Variants in DLG2 observed in about 807,000 individuals in gnomAD.
DLG2 encodes discs large MAGUK scaffold protein 2, also known as disks large homolog 2.
Under a neutral mutation model 132.5 loss-of-function variants are expected in DLG2, and 45 were observed. The observed-to-expected ratio is 0.34, with a 90% CI of 0.27 to 0.44. DLG2 has a LOEUF of 0.44. DLG2 is among the 20% of genes least tolerant of loss of function. DLG2 has a pLI of 1.00. For missense variants in DLG2, 1,045 were observed against 1,196.9 expected (o/e 0.87, Z 1.87); for synonymous variants, 424 against 419.6 (o/e 1.01, Z -0.13).
At chr11:84,892,791 A>G (rs574926247) in intron 6 of DLG2, among the ~76,000 whole-genome samples, 1 of 152,058 alleles carries the variant, frequency 6.6e-6, no homozygotes, top group Non-Finnish European at 1.5e-5. Context: ...TCACTTTTCA[A>G]AATTCCCACA....
intron 6 of DLG2, among the ~76,000 whole-genome samples, chr11:85,078,299 T>C (rs1207114674): frequency 6.6e-6 from 1 of 151,078 alleles, no homozygotes; most frequent in Non-Finnish European, 1.5e-5. Flanking sequence ...TATAAGGTTA[T>C]TGAGGAAGGC....
intron 4 of DLG2, among the ~76,000 whole-genome samples, chr11:85,225,410 G>C (rs1344903297): frequency 6.6e-6 from 1 of 151,940 alleles, no homozygotes; most frequent in Non-Finnish European, 1.5e-5. Context: ...CAAACTTCCC[G>C]ATCTTTCCTT....
chr11:84,416,025 T>C (rs1395524848), intron 7 of DLG2, among the ~76,000 whole-genome samples: 1 of 152,156 alleles, frequency 6.6e-6, no homozygotes, highest in African/African-American at 2.4e-5. Context: ...TTGGCTTCTT[T>C]CCAGTTCTTT....
chr11:84,588,359 T>C (rs1199384427), intron 6 of DLG2, among the ~76,000 whole-genome samples: 1 of 152,200 alleles, frequency 6.6e-6, no homozygotes, highest in Non-Finnish European at 1.5e-5. Context: ...ATTTGCACAA[T>C]GAATCATCAT....
At chr11:85,022,844 A>G (rs535380925) in intron 6 of DLG2, among the ~76,000 whole-genome samples, 20 of 152,230 alleles carry the variant, frequency 1.3e-4, no homozygotes, top group Admixed American at 7.8e-4. Flanking sequence ...TTACCTTATT[A>G]CTTATTTTTT....
At chr11:84,849,956 A>G (rs915354973) in intron 6 of DLG2, among the ~76,000 whole-genome samples, 1 of 152,174 alleles carries the variant, frequency 6.6e-6, no homozygotes, top group African/African-American at 2.4e-5. Context: ...TAAAATATTT[A>G]TTATGATATC....
chr11:83,671,745 A>C (rs541805720), intron 18 of DLG2, among the ~76,000 whole-genome samples: 1 of 152,162 alleles, frequency 6.6e-6, no homozygotes, highest in Admixed American at 6.5e-5. Context: ...TGCCTATGTC[A>C]GCGTGTAGCT....
intron 3 of DLG2, among the ~76,000 whole-genome samples, chr11:85,344,327 T>C (rs1170010719): frequency 6.6e-6 from 1 of 152,122 alleles, no homozygotes; most frequent in African/African-American, 2.4e-5. Context: ...AGGTGACTCA[T>C]AGAGATTGTC....
At chr11:84,433,070 G>T (rs2098989609) in intron 7 of DLG2, among the ~76,000 whole-genome samples, 1 of 152,094 alleles carries the variant, frequency 6.6e-6, no homozygotes, top group African/African-American at 2.4e-5. Context: ...CTAATGTCAG[G>T]ATATGTGGGG....
At chr11:83,483,978 C>CA in intron 22 of DLG2, 151 bp downstream of exon 22, 1 of 637,806 alleles carries the variant, frequency 1.6e-6, no homozygotes, top group East Asian at 2.9e-5. Flanking sequence ...AGACTGTAGT[C>CA]AGACGCTGGT....
At chr11:83,767,068 A>C (rs1032436747) in intron 18 of DLG2, among the ~76,000 whole-genome samples, 1 of 152,170 alleles carries the variant, frequency 6.6e-6, no homozygotes, top group African/African-American at 2.4e-5. Flanking sequence ...AGGCACATCC[A>C]GATAATCTAG....
At chr11:84,527,161 T>C (rs1177489604) in intron 7 of DLG2, among the ~76,000 whole-genome samples, 1 of 152,162 alleles carries the variant, frequency 6.6e-6, no homozygotes, top group Non-Finnish European at 1.5e-5. Flanking sequence ...AACAATAGAA[T>C]AAGGCATATT....
intron 8 of DLG2, among the ~76,000 whole-genome samples, chr11:84,248,034 A>G (rs1263127547): frequency 1.3e-5 from 2 of 152,210 alleles, no homozygotes; most frequent in Admixed American, 1.3e-4. Flanking sequence ...AATTATGTGA[A>G]CAACTAGAAC....
At chr11:83,977,976 C>G (rs1426807664) in intron 12 of DLG2, among the ~76,000 whole-genome samples, 1 of 151,940 alleles carries the variant, frequency 6.6e-6, no homozygotes, top group African/African-American at 2.4e-5. Context: ...TTCTATTTAC[C>G]AGTGCTAAGG....
At chr11:84,767,974 T>C (rs1054414077) in intron 6 of DLG2, among the ~76,000 whole-genome samples, 2 of 152,032 alleles carry the variant, frequency 1.3e-5, no homozygotes, top group African/African-American at 4.8e-5. Flanking sequence ...ATTAAGAAAA[T>C]GATACTGAAG....
intron 4 of DLG2, among the ~76,000 whole-genome samples, chr11:85,215,855 G>T (rs924435154): frequency 6.6e-6 from 1 of 151,940 alleles, no homozygotes; most frequent in Non-Finnish European, 1.5e-5. Flanking sequence ...TAATTTACAG[G>T]GAATGAACCT....
chr11:84,775,085 G>A (rs1030693219), intron 6 of DLG2, among the ~76,000 whole-genome samples: 8 of 151,640 alleles, frequency 5.3e-5, no homozygotes, highest in African/African-American at 9.7e-5. Flanking sequence ...TTCAACCAAC[G>A]AAAAGCTAAT....
intron 17 of DLG2, among the ~76,000 whole-genome samples, chr11:83,810,897 A>G (rs898088326): frequency 1.3e-5 from 2 of 152,078 alleles, no homozygotes; most frequent in South Asian, 2.1e-4. Flanking sequence ...CCTACTTTAT[A>G]GAATTTTTTC....
intron 6 of DLG2, among the ~76,000 whole-genome samples, chr11:84,984,639 G>C (rs868714218): frequency 6.6e-6 from 1 of 150,534 alleles, no homozygotes; most frequent in African/African-American, 2.4e-5. Flanking sequence ...ATGGTACCTC[G>C]CATCTTAATA....
Sources: gnomAD v4.1 joint callset for allele counts (sites outside exome capture counted in the v4.1 genomes callset) on GRCh38, gnomAD v4.1.1 for gene constraint, MANE v1.5 for transcripts, NCBI Gene and HGNC (gene_info 2026-07-23, HGNC 2026-07-21) for gene names.